The following CCDC171 variants were observed in gnomAD, a reference collection of about 807,000 sequenced individuals.
CCDC171 encodes the protein coiled-coil domain containing 171.
CCDC171 carries 177 observed loss-of-function variants against 168.2 expected under a neutral mutation model. The observed-to-expected ratio is 1.05, with a 90% CI of 0.93 to 1.19. The LOEUF (loss-of-function observed/expected upper bound fraction) is 1.19. Among genes scored for constraint, CCDC171 ranks in the 50% most tolerant of loss-of-function variants. The pLI, the probability that CCDC171 is intolerant of heterozygous loss-of-function variation, is 0.00. For synonymous variants in CCDC171, 687 were observed against 540.8 expected, an observed-to-expected ratio of 1.27 and a Z score of -3.75; for missense variants, 1,991 against 1,539.0, an observed-to-expected ratio of 1.29 and a Z score of -4.91.
chr9:15,962,537 T>A (rs916373511), intron 25 of CCDC171, among the ~76,000 whole-genome samples: 1 of 152,158 alleles, frequency 6.6e-6, no homozygotes, highest in Non-Finnish European at 1.5e-5. Flanking sequence ...CACTAACCTT[T>A]AGCATAATTT....
intron 21 of CCDC171, among the ~76,000 whole-genome samples, chr9:15,809,368 C>T (rs1455859075): frequency 2.6e-5 from 4 of 152,148 alleles, no homozygotes. Context: ...AAATTCAATT[C>T]CTCAGTCTCA....
At chr9:15,778,801 CCAAATTATTGGT>C (rs2057492851) in intron 19 of CCDC171, among the ~76,000 whole-genome samples, 155 bp from the exon 20 acceptor site, 1 of 152,072 alleles carries the variant, frequency 6.6e-6, no homozygotes, top group Admixed American at 6.6e-5. Flanking sequence ...TTTTCATAAG[CCAAATTATTGGT>C]CACATAAAAA....
At chr9:15,943,297 C>G (rs1438132734) in intron 25 of CCDC171, among the ~76,000 whole-genome samples, 2 of 151,880 alleles carry the variant, frequency 1.3e-5, no homozygotes, top group South Asian at 4.1e-4. Context: ...TTCTTTAGAT[C>G]TGTGCCAGAA....
chr9:15,928,913 C>A (rs530381590), intron 25 of CCDC171, among the ~76,000 whole-genome samples: 2 of 151,682 alleles, frequency 1.3e-5, no homozygotes, highest in South Asian at 4.2e-4. Context: ...TGGCCTCATA[C>A]CTTCTTTCTA....
At chr9:15,699,223 T>C (rs2133841472) in intron 11 of CCDC171, among the ~76,000 whole-genome samples, 2 of 152,182 alleles carry the variant, frequency 1.3e-5, no homozygotes, top group East Asian at 3.9e-4. Flanking sequence ...TGGTGAGTGT[T>C]ACAGGTCTTA....
At chr9:15,597,946 G>C (rs930849310) in intron 6 of CCDC171, among the ~76,000 whole-genome samples, 1 of 152,108 alleles carries the variant, frequency 6.6e-6, no homozygotes, top group East Asian at 1.9e-4. Flanking sequence ...GGTGTTTATA[G>C]TATTCTCTGA....
chr9:15,644,960 AC>A (rs1384633775), intron 7 of CCDC171, among the ~76,000 whole-genome samples: 1 of 152,200 alleles, frequency 6.6e-6, no homozygotes, highest in Non-Finnish European at 1.5e-5. Flanking sequence ...AGGGTCCCTG[AC>A]CCCTGAGTAG....
chr9:15,853,780 G>T (rs773234856), intron 23 of CCDC171, among the ~76,000 whole-genome samples: 1 of 151,362 alleles, frequency 6.6e-6, no homozygotes, highest in Non-Finnish European at 1.5e-5. Flanking sequence ...TCCTTTCCTG[G>T]TTTTTTGAGT....
chr9:15,605,592 CAGG>C (rs2043166921), intron 6 of CCDC171, among the ~76,000 whole-genome samples: 1 of 148,934 alleles, frequency 6.7e-6, no homozygotes, highest in Non-Finnish European at 1.5e-5. Context: ...GAGGCTGAGG[CAGG>C]AGAATCGCTT....
At position 15,971,852 on chromosome 9, in the gene CCDC171, A is replaced by T. The variant is rs754016126; in HGVS notation, c.*16A>T. On this transcript the variant is annotated 3_prime_UTR_variant, in exon 26 of 26. Transcript: ENST00000380701. ...TGGATTATGACTTCATGAAATTAAA[A>T]AATGGAGGAAGAGTTAACAGTACAA... is the stretch of plus-strand genomic sequence containing the variant. 6.3e-7 allele frequency: 1 copy of T among 1,580,874 alleles called. No individual in the cohort carries two copies. The highest frequency in any genetic ancestry group is 2.2e-5 in the East Asian group (1 of 44,662).
chr9:15,829,298 G>A (rs529867165), intron 21 of CCDC171, among the ~76,000 whole-genome samples: 1 of 152,240 alleles, frequency 6.6e-6, no homozygotes, highest in African/African-American at 2.4e-5. Context: ...TTACCTTTGA[G>A]GGATTAGCAA....
the CCDC171 span, among the ~76,000 whole-genome samples, chr9:16,100,627 G>C: frequency 6.6e-6 from 1 of 152,348 alleles, no homozygotes; most frequent in African/African-American, 2.4e-5. Flanking sequence ...CCCATCTTAG[G>C]ATCAGGCTAA....
At chr9:15,747,900 T>C (rs2055416775) in intron 18 of CCDC171, among the ~76,000 whole-genome samples, 1 of 152,170 alleles carries the variant, frequency 6.6e-6, no homozygotes, top group Non-Finnish European at 1.5e-5. Flanking sequence ...AGAATGACTT[T>C]GACGAGTTGA....
rs1476961176 is a variant in CCDC171, at chr9:15,681,412, G to A, written c.1215+2516G>A. Among the ~76,000 whole-genome samples, 5 of 151,880 alleles carry A rather than the reference G, an allele frequency of 3.3e-5. No individual in the cohort carries two copies. In the South Asian group the frequency reaches 6.2e-4, roughly 19 times the overall value. ...ATCTCTCTTAAACTCATAGCTTTGC[G>A]TCTTATTTTCTTCCATCTTCCTCTT... On this transcript the variant is annotated intron_variant, in intron 10 of 25. Transcript: ENST00000380701.
At chr9:15,767,950 G>C (rs901304141) in intron 18 of CCDC171, among the ~76,000 whole-genome samples, 53 of 148,760 alleles carry the variant, frequency 3.6e-4, no homozygotes, top group African/African-American at 1.3e-3. Flanking sequence ...GTCCAGGCTG[G>C]TCTTGAACTC....
At chr9:16,090,423 G>T in the CCDC171 span, among the ~76,000 whole-genome samples, 1 of 152,116 alleles carries the variant, frequency 6.6e-6, no homozygotes, top group Admixed American at 6.5e-5. Context: ...TTAGGGGGTG[G>T]GGGGCTAGTG....
chr9:15,883,143 C>T (rs1441597594), intron 24 of CCDC171: 6 of 397,018 alleles, frequency 1.5e-5, no homozygotes, highest in Non-Finnish European at 3.0e-5. Flanking sequence ...ATCTTCCTGC[C>T]TCAGCCTGCT....
At chr9:15,582,500 G>A (rs954235127) in intron 4 of CCDC171, among the ~76,000 whole-genome samples, 2 of 152,054 alleles carry the variant, frequency 1.3e-5, no homozygotes, top group African/African-American at 2.4e-5. Context: ...TTGTGGCACT[G>A]TTCACAATAG....
intron 1 of CCDC171, among the ~76,000 whole-genome samples, chr9:16,054,910 C>T (rs1435226913): frequency 6.6e-6 from 1 of 152,102 alleles, no homozygotes; most frequent in East Asian, 1.9e-4. Context: ...ACACGCAGGG[C>T]GGGGGGCAGG....
Sources: gnomAD v4.1 joint callset for allele counts (sites outside exome capture counted in the v4.1 genomes callset) on GRCh38, gnomAD v4.1.1 for gene constraint, MANE v1.5 for transcripts, NCBI Gene and HGNC (gene_info 2026-07-23, HGNC 2026-07-21) for gene names.